TCF3: variants seen among roughly 807,000 people sequenced by gnomAD.
TCF3 encodes the protein transcription factor 3, also known as transcription factor E2-alpha.
A neutral mutation model predicts 72.3 loss-of-function variants in TCF3; 54 were observed. The observed-to-expected ratio is 0.75, with a 90% confidence interval of 0.60 to 0.94. The LOEUF (loss-of-function observed/expected upper bound fraction) is 0.94. Among genes scored for constraint, TCF3 ranks in the 40% least tolerant of loss-of-function variants. The pLI is 0.00. For missense variants in TCF3, 1,078 were observed against 934.4 expected (o/e 1.15, Z -2.00); for synonymous variants, 525 against 412.6 (o/e 1.27, Z -3.30).
chr19:1,609,452 C>G lies in TCF3; in HGVS notation c.*2255G>C. On this transcript the variant is annotated 3_prime_UTR_variant, in exon 19 of 19. Coordinates refer to ENST00000262965, the MANE Select transcript of TCF3 (RefSeq NM_003200.5). ...TTAAAAAAATTTTTTTGAAAACCAT[C>G]TTGAGGCACTCAGATCACACCCCCC... 1 of 215,000 alleles carries G rather than the reference C, an allele frequency of 4.7e-6. No homozygotes were observed. 13.3% of individuals were successfully genotyped at this position (215,000 alleles called of 1,614,324 possible).
At chr19:1,617,962 A>C (rs2061724810) in intron 16 of TCF3, among the ~76,000 whole-genome samples, 1 of 152,088 alleles carries the variant, frequency 6.6e-6, no homozygotes, top group Non-Finnish European at 1.5e-5. Flanking sequence ...GGAGTGATAG[A>C]ATCAAGGTAC....
chr19:1,625,667 C>A lies in TCF3; in HGVS notation c.408G>T (p.Gly136=). ...CCTTCATGCCCGAAGGGGACAGGGG[C>A]CCGGGGCTGTTGAGGGCCAGCTCGC... is the stretch of plus-strand genomic sequence containing the variant. ...LSGELALNSP[G]PLSPSGMKGT... Residue 136 remains glycine (G), a synonymous_variant, in exon 7 of 19, where the codon GGG becomes GGT. Coordinates refer to ENST00000262965, the MANE Select transcript of TCF3 (RefSeq NM_003200.5). The A allele has an allele frequency of 6.5e-7, 1 of 1,529,984 alleles. No homozygotes were observed. Among genetic ancestry groups the A allele is most frequent in the Non-Finnish European group, 8.7e-7 (1 of 1,145,402 alleles). 94.8% of individuals were successfully genotyped at this position (1,529,984 alleles called of 1,614,324 possible). A position where few individuals can be genotyped will look rare whatever the true frequency, so the allele number is the denominator to read the frequency against.
chr19:1,622,703 T>C (rs977344241), intron 8 of TCF3, among the ~76,000 whole-genome samples: 1 of 152,138 alleles, frequency 6.6e-6, no homozygotes, highest in Admixed American at 6.5e-5. Context: ...ACTAAACCTT[T>C]TTCCTCCTTA....
chr19:1,645,838 CCT>C (rs1568503150), intron 3 of TCF3, among the ~76,000 whole-genome samples: 2 of 152,172 alleles, frequency 1.3e-5, no homozygotes, highest in African/African-American at 2.4e-5. Flanking sequence ...AGGAATTGCC[CCT>C]CAGTCCTGGG....
Position 1,619,349 on chromosome 19 carries a change from G to C in TCF3, c.1293C>G (p.Gly431=). ...CGTGCCGCCCGCCCAGTGACATGGG[G>C]CCGGTGAAACCTGAGGCCAGCGCCC... ...GHGALASGFT[G]PMSLGGRHAG... is the part of the protein sequence containing the mutation. The change falls in exon 15 of 19, where the codon GGC becomes GGG. Residue 431 remains glycine, a synonymous_variant. Transcript: ENST00000262965. 6.3e-7 allele frequency: 1 copy of C among 1,583,266 alleles called. No individual in the cohort carries two copies.
chr19:1,610,049 AG>A lies in TCF3; in HGVS notation c.*1657del. 1 of 232,776 alleles carries A rather than the reference AG, an allele frequency of 4.3e-6. No homozygotes were observed. The highest frequency in any genetic ancestry group is 6.1e-5 in the East Asian group (1 of 16,520). 14.4% of individuals were successfully genotyped at this position (232,776 alleles called of 1,614,324 possible). A position where few individuals can be genotyped will look rare whatever the true frequency, so the allele number is the denominator to read the frequency against. ...TTCGTGTGGAACTGGATGGGATCCCAGGGTAGGAGACTTGCAGTTTTAAACC... is the reference window on the plus strand; with the variant it reads ...TTCGTGTGGAACTGGATGGGATCCCAGGTAGGAGACTTGCAGTTTTAAACC... On this transcript the variant is annotated 3_prime_UTR_variant, in exon 19 of 19. Coordinates refer to ENST00000262965, the MANE Select transcript of TCF3 (RefSeq NM_003200.5).
chr19:1,625,694 T>G lies in TCF3; in HGVS notation c.381A>C (p.Ser127=). 6.6e-7 allele frequency: 1 copy of G among 1,516,454 alleles called. No homozygotes were observed. The highest frequency in any genetic ancestry group is 8.8e-7 in the Non-Finnish European group (1 of 1,138,120). 93.9% of individuals were successfully genotyped at this position (1,516,454 alleles called of 1,614,324 possible). ...VGGLTQAGFL[S]GELALNSPGP... The stretch of plus-strand genomic sequence containing the variant: ...CGGGGCTGTTGAGGGCCAGCTCGCC[T>G]GACAGGAAGCCAGCCTGGTGGGGAG... Residue 127 remains serine (S), a synonymous_variant, in exon 7 of 19, where the codon TCA becomes TCC. Coordinates refer to ENST00000262965, the MANE Select transcript of TCF3 (RefSeq NM_003200.5).
intron 6 of TCF3, among the ~76,000 whole-genome samples, chr19:1,626,436 G>A (rs1257225051): frequency 6.6e-6 from 1 of 150,624 alleles, no homozygotes; most frequent in African/African-American, 2.4e-5. Flanking sequence ...GGCCATGAGC[G>A]AAACTCCGTC....
chr19:1,633,194 C>T (rs1210247081), intron 3 of TCF3, among the ~76,000 whole-genome samples: 1 of 152,216 alleles, frequency 6.6e-6, no homozygotes, highest in Non-Finnish European at 1.5e-5. Context: ...GGATCCTTCC[C>T]CCTTCCATCG....
At chr19:1,634,485 G>C (rs959322572) in intron 3 of TCF3, among the ~76,000 whole-genome samples, 4 of 152,224 alleles carry the variant, frequency 2.6e-5, no homozygotes, top group African/African-American at 9.6e-5. Context: ...CACCCCTTGG[G>C]CTTCAGTTCC....
intron 18 of TCF3, 91 bp from the exon 19 acceptor site, chr19:1,611,940 G>GT: frequency 4.4e-6 from 1 of 229,020 alleles, no homozygotes. Context: ...CGGGGGGGGG[G>GT]GTGGGGGCAG....
At chr19:1,621,411 T>C (rs920304849) in intron 11 of TCF3, among the ~76,000 whole-genome samples, 6 of 150,500 alleles carry the variant, frequency 4.0e-5, no homozygotes, top group African/African-American at 1.5e-4. Flanking sequence ...GTGAGTCCCC[T>C]TCTGGGCCTG....
Position 1,622,188 on chromosome 19 carries a change from G to T in TCF3, c.688C>A (p.Pro230Thr). The T allele has an allele frequency of 1.3e-6, 2 of 1,567,082 alleles. No individual in the cohort carries two copies. Among genetic ancestry groups the T allele is most frequent in the Non-Finnish European group, 1.7e-6 (2 of 1,158,642 alleles). Residue 230 changes from proline (P) to threonine (T), a missense_variant, in exon 10 of 19, where the codon CCC (proline) becomes ACC (threonine). Coordinates refer to ENST00000262965, the MANE Select transcript of TCF3 (RefSeq NM_003200.5). Reference sequence around the variant, plus strand: ...GGCCCGAAGCCCGCCTGGCCCGGGGGACTCCAGAGCTCGGCTGAGGGGTGC... The same window carrying T: ...GGCCCGAAGCCCGCCTGGCCCGGGGTACTCCAGAGCTCGGCTGAGGGGTGC... ...SLHPSAELWSPPGQAGFGPML... is the reference protein window; with the variant it reads ...SLHPSAELWSTPGQAGFGPML...
intron 2 of TCF3, among the ~76,000 whole-genome samples, 199 bp downstream of exon 2, chr19:1,649,978 G>A (rs1435988524): frequency 6.6e-6 from 1 of 152,224 alleles, no homozygotes; most frequent in Admixed American, 6.5e-5. Context: ...CCGGGCAAAA[G>A]CCCCATAGCA....
chr19:1,641,135 C>T (rs933652275), intron 3 of TCF3, among the ~76,000 whole-genome samples: 2 of 137,126 alleles, frequency 1.5e-5, no homozygotes, highest in South Asian at 4.5e-4. Flanking sequence ...GCACTCCAGC[C>T]TGGGCAACAA....
intron 7 of TCF3, 43 bp from the exon 8 acceptor site, chr19:1,624,043 G>A: frequency 1.3e-6 from 2 of 1,595,334 alleles, no homozygotes. Flanking sequence ...CCGGCCATGA[G>A]AACAACCCCT....
Position 1,615,885 on chromosome 19 carries a change from T to A in TCF3, c.1451-64A>T, listed in dbSNP as rs1250200661. 6.7e-7 allele frequency: 1 copy of A among 1,489,776 alleles called. No individual in the cohort carries two copies. Among genetic ancestry groups the A allele is most frequent in the East Asian group, 2.3e-5 (1 of 43,282 alleles). The allele number at this position is 1,489,776 out of a possible 1,614,324, so 92.3% of individuals were successfully genotyped here. ...CAGGGCCAACTGACATATCTCTTTG[T>A]GCTCCTGTGGTGAGGGACTTGGGCT... On this transcript the variant is annotated intron_variant, in intron 16 of 18. Coordinates refer to ENST00000262965, the MANE Select transcript of TCF3 (RefSeq NM_003200.5). This position sits in a 1 kb window ranked among gnomAD's most constrained non-coding sequence, Gnocchi z 7.3.
rs1035491825 is a variant in TCF3 at position 1,611,112 on chromosome 19, C to A, written c.*595G>T. ...CATATGCAAAAAAAGCTTAAAAAAA[C>A]CAGAGACCAAAGGCAGCATCCTTGC... On this transcript the variant is annotated 3_prime_UTR_variant, in exon 19 of 19. Coordinates refer to ENST00000262965, the MANE Select transcript of TCF3 (RefSeq NM_003200.5). 1.7e-5 allele frequency: 4 copies of A among 232,554 alleles called. No individual in the cohort carries two copies. Among genetic ancestry groups the A allele is most frequent in the African/African-American group, 8.9e-5 (4 of 45,062 alleles). 14.4% of individuals were successfully genotyped at this position (232,554 alleles called of 1,614,324 possible).
At position 1,611,184 on chromosome 19, in the gene TCF3, T is replaced by C. The variant is rs1189800126; in HGVS notation, c.*523A>G. On this transcript the variant is annotated 3_prime_UTR_variant, in exon 19 of 19. Coordinates refer to ENST00000262965, the MANE Select transcript of TCF3 (RefSeq NM_003200.5). The stretch of plus-strand genomic sequence containing the variant: ...AAAAAAAAATCTTGTAACTAATGTT[T>C]TTATTTTCCTTAAAAAAAATATTTC... 1 of 250,614 alleles carries C rather than the reference T, an allele frequency of 4.0e-6. No individual in the cohort carries two copies. Among genetic ancestry groups the C allele is most frequent in the African/African-American group, 2.2e-5 (1 of 45,968 alleles). 15.5% of individuals were successfully genotyped at this position (250,614 alleles called of 1,614,324 possible).
Sources: allele counts gnomAD v4.1 joint callset (sites outside exome capture counted in the v4.1 genomes callset), GRCh38; gene constraint gnomAD v4.1.1; non-coding constraint Gnocchi (gnomAD v3.1); transcripts MANE v1.5; gene names NCBI Gene and HGNC (gene_info 2026-07-23, HGNC 2026-07-21).